CRX: variants seen among roughly 807,000 people sequenced by gnomAD.
CRX encodes the protein cone-rod homeobox protein.
A neutral mutation model predicts 13.1 loss-of-function variants in CRX; 5 were observed. That is an observed-to-expected ratio of 0.38 (90% confidence interval 0.20 to 0.80). The LOEUF (loss-of-function observed/expected upper bound fraction) is 0.80. Among genes scored for constraint, CRX ranks in the 30% least tolerant of loss-of-function variants. CRX has a pLI of 0.43. For missense variants in CRX, 351 were observed against 391.8 expected (o/e 0.90, Z 0.88); for synonymous variants, 179 against 171.1 (o/e 1.05, Z -0.36).
At chr19:47,824,838 C>T (rs1433354571) in intron 1 of CRX, among the ~76,000 whole-genome samples, 1 of 152,008 alleles carries the variant, frequency 6.6e-6, no homozygotes, top group East Asian at 1.9e-4. Flanking sequence ...TTGTTCCACC[C>T]CTTGAAATCA....
At chr19:47,825,628 G>A (rs1263141096) in intron 1 of CRX, among the ~76,000 whole-genome samples, 1 of 152,090 alleles carries the variant, frequency 6.6e-6, no homozygotes, top group Non-Finnish European at 1.5e-5. Flanking sequence ...CCGTTAAAAG[G>A]GATGATCCTG....
rs79320395 is a variant in CRX, at chr19:47,832,674, C to T, written c.-35-1735C>T. ...CTAATTTTTGTATTTTTAGTAGAGACGGGGTTTCACCATGTTGACCAGGCT... is the reference window on the plus strand; with the variant it reads ...CTAATTTTTGTATTTTTAGTAGAGATGGGGTTTCACCATGTTGACCAGGCT... On this transcript the variant is annotated intron_variant, in intron 1 of 3. Coordinates refer to ENST00000221996, the MANE Select transcript of CRX (RefSeq NM_000554.6). Among the ~76,000 whole-genome samples, 629 of 151,638 alleles carry T rather than the reference C, an allele frequency of 4.1e-3. 9 individuals are homozygous for T. The East Asian group carries it at 0.048, about 11-fold the overall frequency.
rs104894673 is a variant in CRX at position 47,839,335 on chromosome 19, C to T, written c.268C>T (p.Arg90Trp). The T allele has an allele frequency of 8.1e-6, 13 of 1,613,332 alleles. No individual in the cohort carries two copies. The highest frequency in any genetic ancestry group is 2.7e-5 in the African/African-American group (2 of 74,842). The change falls in exon 4 of 4, where the codon CGG becomes TGG. Residue 90 changes from arginine to tryptophan, a missense_variant. Physicochemically the swap from Arg to Trp is moderately radical, Grantham distance 101. Transcript: ENST00000221996. The surrounding 1 kb of genome is among the most constrained non-coding windows in gnomAD (Gnocchi z 4.6). The part of the protein sequence containing the change: ...ESRVQVWFKN[R>W]RAKCRQQRQQ... ...TATCCCCCAGGTTTGGTTCAAGAAC[C>T]GGAGGGCTAAATGCAGGCAGCAGCG...
chr19:47,834,158 G>A (rs768145891), intron 1 of CRX, among the ~76,000 whole-genome samples: 1 of 152,114 alleles, frequency 6.6e-6, no homozygotes, highest in African/African-American at 2.4e-5. Context: ...GGGTAGAGTA[G>A]GAATAAGAGC....
intron 1 of CRX, among the ~76,000 whole-genome samples, chr19:47,832,123 T>TTTTTTTTTTTTTTTGAAG: frequency 7.3e-6 from 1 of 137,804 alleles, no homozygotes; most frequent in South Asian, 2.3e-4. Flanking sequence ...TTTTTTTTTT[T>TTTTTTTTTTTTTTTGAAG]GAGACGGAGT....
Position 47,839,511 on chromosome 19 carries a change from C to G in CRX, c.444C>G (p.Gly148=), listed in dbSNP as rs1456524410. The G allele has an allele frequency of 6.2e-7, 1 of 1,613,700 alleles. No individual in the cohort carries two copies. Among genetic ancestry groups the G allele is most frequent in the Non-Finnish European group, 8.5e-7 (1 of 1,179,876 alleles). ...ISDSYSPPLP[G]PSGSPTTAVA... ...ATTCCTACAGTCCCCCTCTGCCCGG[C>G]CCCTCAGGCTCCCCAACCACGGCAG... Residue 148 remains glycine (G), a synonymous_variant, in exon 4 of 4, where the codon GGC becomes GGG. Coordinates refer to ENST00000221996, the MANE Select transcript of CRX (RefSeq NM_000554.6). This position sits in a 1 kb window ranked among gnomAD's most constrained non-coding sequence, Gnocchi z 4.6.
chr19:47,827,892 G>A (rs1045807604), intron 1 of CRX, among the ~76,000 whole-genome samples: 1 of 119,694 alleles, frequency 8.4e-6, no homozygotes, highest in Non-Finnish European at 1.6e-5. Context: ...GGTGGCTCAC[G>A]CCTGTAATCC....
chr19:47,840,014 C>A lies in CRX; in HGVS notation c.*47C>A. On this transcript the variant is annotated 3_prime_UTR_variant, in exon 4 of 4. Transcript: ENST00000221996. ...TCCATCGGGCCTCGGGACCCTTTCTCTTCTGAATCTGCTTCCCTGCAGTTT... is the reference window on the plus strand; with the variant it reads ...TCCATCGGGCCTCGGGACCCTTTCTATTCTGAATCTGCTTCCCTGCAGTTT... 1 of 1,602,464 alleles carries A rather than the reference C, an allele frequency of 6.2e-7. No individual in the cohort carries two copies. The highest frequency in any genetic ancestry group is 1.1e-5 in the South Asian group (1 of 90,754).
At chr19:47,826,958 C>T (rs118148734) in intron 1 of CRX, among the ~76,000 whole-genome samples, 3,248 of 152,124 alleles carry the variant, frequency 0.021, 56 homozygotes, top group Middle Eastern at 0.034. Flanking sequence ...GGCAGGAGGC[C>T]TCATTTCTTT....
chr19:47,837,671 T>C (rs553868368), intron 3 of CRX, among the ~76,000 whole-genome samples: 8 of 152,154 alleles, frequency 5.3e-5, no homozygotes, highest in Non-Finnish European at 1.0e-4. Flanking sequence ...TGAACATGCA[T>C]ATGATGTATG....
intron 1 of CRX, among the ~76,000 whole-genome samples, chr19:47,824,383 C>A (rs937141340): frequency 2.6e-5 from 4 of 152,186 alleles, no homozygotes; most frequent in African/African-American, 9.6e-5. Flanking sequence ...CAGGTGCTGG[C>A]CCAGCTCTGG....
At position 47,839,509 on chromosome 19, in the gene CRX, G is replaced by A. The variant is rs760080266; in HGVS notation, c.442G>A (p.Gly148Ser). The part of the protein sequence containing the change: ...ISDSYSPPLP[G>S]PSGSPTTAVA... ...AGATTCCTACAGTCCCCCTCTGCCCGGCCCCTCAGGCTCCCCAACCACGGC... is the reference window on the plus strand; with the variant it reads ...AGATTCCTACAGTCCCCCTCTGCCCAGCCCCTCAGGCTCCCCAACCACGGC... Residue 148 changes from glycine to serine, a missense_variant, in exon 4 of 4, where the codon GGC (glycine) becomes AGC (serine). This residue lies in a region of CRX where 253 missense variants were observed against 268.3 expected (regional missense o/e 0.94). Coordinates refer to ENST00000221996, the MANE Select transcript of CRX (RefSeq NM_000554.6). This position sits in a 1 kb window ranked among gnomAD's most constrained non-coding sequence, Gnocchi z 4.6. 8.1e-6 allele frequency: 13 copies of A among 1,613,626 alleles called. No homozygotes were observed. Among genetic ancestry groups the A allele is most frequent in the African/African-American group, 2.7e-5 (2 of 74,962 alleles).
chr19:47,839,131 C>G lies in CRX; in HGVS notation c.253-189C>G, dbSNP rs1209356448. Among the ~76,000 whole-genome samples, 3 of 151,994 alleles carry G rather than the reference C, an allele frequency of 2.0e-5. No individual in the cohort carries two copies. The highest frequency in any genetic ancestry group is 7.3e-5 in the African/African-American group (3 of 41,360). On this transcript the variant is annotated intron_variant, in intron 3 of 3. Transcript: ENST00000221996. This position sits in a 1 kb window ranked among gnomAD's most constrained non-coding sequence, Gnocchi z 4.6. Reference sequence around the variant, plus strand: ...GGTATGATGTATGCATGTGTTCATGCACACATGCAGGTATGATTGGATGGA... The same window carrying G: ...GGTATGATGTATGCATGTGTTCATGGACACATGCAGGTATGATTGGATGGA...
At chr19:47,834,724 G>A (rs1249636458) in intron 2 of CRX, among the ~76,000 whole-genome samples, 181 bp downstream of exon 2, 3 of 152,202 alleles carry the variant, frequency 2.0e-5, no homozygotes, top group African/African-American at 7.2e-5. Flanking sequence ...TAGAAATTCA[G>A]GACAGAGGTT....
intron 1 of CRX, 41 bp from the exon 2 acceptor site, chr19:47,834,368 T>C: frequency 1.8e-6 from 2 of 1,119,118 alleles, no homozygotes; most frequent in Non-Finnish European, 2.7e-6. Flanking sequence ...CCATGGTGAG[T>C]AACTGGTAAG....
At chr19:47,822,912 G>A (rs1389018350) in intron 1 of CRX, among the ~76,000 whole-genome samples, 2 of 152,074 alleles carry the variant, frequency 1.3e-5, no homozygotes, top group Non-Finnish European at 2.9e-5. Flanking sequence ...ATCCACCTCA[G>A]CCTCTTGAGT....
chr19:47,826,272 G>A (rs765615092), intron 1 of CRX, among the ~76,000 whole-genome samples: 52 of 152,050 alleles, frequency 3.4e-4, no homozygotes, highest in Admixed American at 1.4e-3. Flanking sequence ...GTGTGATCCC[G>A]GGTAAGTCAC....
intron 3 of CRX, among the ~76,000 whole-genome samples, chr19:47,838,148 A>C (rs1406881310): frequency 6.6e-6 from 1 of 152,180 alleles, no homozygotes; most frequent in Non-Finnish European, 1.5e-5. Context: ...GTATGTCTGT[A>C]TGATCAGATG....
At chr19:47,838,926 T>C (rs1481674258) in intron 3 of CRX, among the ~76,000 whole-genome samples, 1 of 151,886 alleles carries the variant, frequency 6.6e-6, no homozygotes, top group Non-Finnish European at 1.5e-5. Context: ...GTGCGTATGG[T>C]GTATATATGT....
Sources: gnomAD v4.1 joint callset for allele counts (sites outside exome capture counted in the v4.1 genomes callset) on GRCh38, gnomAD v4.1.1 for gene constraint, gnomAD v4.1.1 regional missense constraint, Gnocchi (gnomAD v3.1) non-coding constraint, MANE v1.5 for transcripts, NCBI Gene and HGNC (gene_info 2026-07-23, HGNC 2026-07-21) for gene names.